SUN2: variants seen among roughly 807,000 people sequenced by gnomAD.
SUN2 encodes Sad1 and UNC84 domain containing 2.
A neutral mutation model predicts 100.0 loss-of-function variants in SUN2; 60 were observed. The observed-to-expected ratio is 0.60, with a 90% CI of 0.49 to 0.74. The LOEUF (loss-of-function observed/expected upper bound fraction) is 0.74, where lower values mean the gene tolerates loss of function less well. Among genes scored for constraint, SUN2 ranks in the 30% least tolerant of loss-of-function variants. The pLI is 0.00. For synonymous variants in SUN2, 367 were observed against 403.3 expected, an observed-to-expected ratio of 0.91 and a Z score of 1.08; for missense variants, 834 against 954.6, an observed-to-expected ratio of 0.87 and a Z score of 1.66.
At chr22:38,753,600 G>A (rs1279065609) in intron 1 of SUN2, among the ~76,000 whole-genome samples, 5 of 152,268 alleles carry the variant, frequency 3.3e-5, no homozygotes, top group Non-Finnish European at 5.9e-5. Flanking sequence ...TCCTGATGGC[G>A]CTTGCACTGT....
At position 38,737,648 on chromosome 22, in the gene SUN2, T is replaced by A; in HGVS notation, c.2040+525A>T. 8.8e-6 allele frequency: 3 copies of A among 340,802 alleles called. No individual in the cohort carries two copies. The highest frequency in any genetic ancestry group is 6.8e-5 in the South Asian group (3 of 44,382). 21.1% of individuals were successfully genotyped at this position (340,802 alleles called of 1,614,324 possible). A position where few individuals can be genotyped will look rare whatever the true frequency, so the allele number is the denominator to read the frequency against. On this transcript the variant is annotated intron_variant, in intron 17 of 17. Coordinates refer to ENST00000689035, the MANE Select transcript of SUN2 (RefSeq NM_015374.3). The surrounding 1 kb of genome is among the most constrained non-coding windows in gnomAD (Gnocchi z 4.1). ...CCAACCCAATTCCTCACTCCAGGAC[T>A]CCCCCGGTGTGGGGCTTAGGCCAAT...
chr22:38,754,603 T>TGGGGTGGGGG, intron 1 of SUN2: 3 of 889,148 alleles, frequency 3.4e-6, no homozygotes, highest in Non-Finnish European at 4.8e-6. Flanking sequence ...TAAGGTAATC[T>TGGGGTGGGGG]CCCCTCCCCC....
At chr22:38,748,173 G>A (rs2092918603) in intron 7 of SUN2, among the ~76,000 whole-genome samples, 1 of 152,116 alleles carries the variant, frequency 6.6e-6, no homozygotes, top group African/African-American at 2.4e-5. Flanking sequence ...AATTAGCTGG[G>A]CATGTTGGCG....
In SUN2 at chr22:38,740,219, CAAAG is replaced by C; in HGVS notation, c.1356+44_1356+47del. The C allele has an allele frequency of 2.0e-6, 3 of 1,492,294 alleles. No individual in the cohort carries two copies. The highest frequency in any genetic ancestry group is 2.7e-6 in the Non-Finnish European group (3 of 1,118,128). 92.4% of individuals were successfully genotyped at this position (1,492,294 alleles called of 1,614,324 possible). A position where few individuals can be genotyped will look rare whatever the true frequency, so the allele number is the denominator to read the frequency against. On this transcript the variant is annotated intron_variant, in intron 12 of 17. Transcript: ENST00000689035. The surrounding 1 kb of genome is among the most constrained non-coding windows in gnomAD (Gnocchi z 4.8). ...TTGCAGGCCCCAGGACACGTCGTCT[CAAAG>C]GAGGAGGAGAGGGACCAGCAGGGCC... is the stretch of plus-strand genomic sequence containing the variant.
At chr22:38,751,524 C>G (rs1168800019) in intron 2 of SUN2, 151 bp from the exon 3 acceptor site, 6 of 737,540 alleles carry the variant, frequency 8.1e-6, no homozygotes, top group Non-Finnish European at 1.1e-5. Flanking sequence ...CCCTGACTCT[C>G]CCAATGCTGG....
In SUN2 at chr22:38,740,174, C is replaced by T. The variant is rs1357559798; in HGVS notation, c.1356+93G>A. The T allele has an allele frequency of 1.4e-6, 2 of 1,416,506 alleles. No homozygotes were observed. Among genetic ancestry groups the T allele is most frequent in the African/African-American group, 1.4e-5 (1 of 69,316 alleles). The allele number at this position is 1,416,506 out of a possible 1,614,324, so 87.7% of individuals were successfully genotyped here. A position where few individuals can be genotyped will look rare whatever the true frequency, so the allele number is the denominator to read the frequency against. Reference sequence around the variant, plus strand: ...AGTCTCTTGGGCATAACAGAGGCTGCAGGGGCAAGGGGTGCTGCTTTGCAG... The same window carrying T: ...AGTCTCTTGGGCATAACAGAGGCTGTAGGGGCAAGGGGTGCTGCTTTGCAG... On this transcript the variant is annotated intron_variant, in intron 12 of 17. Coordinates refer to ENST00000689035, the MANE Select transcript of SUN2 (RefSeq NM_015374.3). The surrounding 1 kb of genome is among the most constrained non-coding windows in gnomAD (Gnocchi z 4.8).
In SUN2 at chr22:38,738,936, G is replaced by A. The variant is rs369397415; in HGVS notation, c.1716C>T (p.Ala572=). The change falls in exon 15 of 18, where the codon GCC becomes GCT. Residue 572 remains alanine, a synonymous_variant. Coordinates refer to ENST00000689035, the MANE Select transcript of SUN2 (RefSeq NM_015374.3). The surrounding 1 kb of genome is among the most constrained non-coding windows in gnomAD (Gnocchi z 6.6). ...RCSETYETKT[A]LLSLFGIPLW... is the part of the protein sequence containing the mutation. ...GGGGGATGCCGAAGAGGCTGAGGAGGGCCGTCTTGGTCTCGTAGGTCTCAG... is the reference window on the plus strand; with the variant it reads ...GGGGGATGCCGAAGAGGCTGAGGAGAGCCGTCTTGGTCTCGTAGGTCTCAG... 121 of 1,613,690 alleles carry A rather than the reference G, an allele frequency of 7.5e-5. No homozygotes were observed. The South Asian group carries it at 1.3e-3, about 17-fold the overall frequency.
In SUN2 at chr22:38,740,509, C is replaced by A; in HGVS notation, c.1191-77G>T. 3 of 1,383,638 alleles carry A rather than the reference C, an allele frequency of 2.2e-6. No individual in the cohort carries two copies. Among genetic ancestry groups the A allele is most frequent in the Non-Finnish European group, 2.8e-6 (3 of 1,057,024 alleles). 85.7% of individuals were successfully genotyped at this position (1,383,638 alleles called of 1,614,324 possible). A position where few individuals can be genotyped will look rare whatever the true frequency, so the allele number is the denominator to read the frequency against. ...GGCCACACCAAAGATGAAAGAGGACCCCCTAGTGGGCTCCCGTCAGGAGAG... is the reference window on the plus strand; with the variant it reads ...GGCCACACCAAAGATGAAAGAGGACACCCTAGTGGGCTCCCGTCAGGAGAG... On this transcript the variant is annotated intron_variant, in intron 11 of 17. Transcript: ENST00000689035. The surrounding 1 kb of genome is among the most constrained non-coding windows in gnomAD (Gnocchi z 4.8).
Position 38,755,050 on chromosome 22 carries a change from ATCGG to A in SUN2, c.-38+709_-38+712del. The A allele has an allele frequency of 4.5e-6, 5 of 1,099,512 alleles. No individual in the cohort carries two copies. Among genetic ancestry groups the A allele is most frequent in the Non-Finnish European group, 4.7e-6 (4 of 854,604 alleles). 68.1% of individuals were successfully genotyped at this position (1,099,512 alleles called of 1,614,324 possible). On this transcript the variant is annotated intron_variant, in intron 1 of 17. Transcript: ENST00000689035. This position sits in a 1 kb window ranked among gnomAD's most constrained non-coding sequence, Gnocchi z 5.7. The stretch of plus-strand genomic sequence containing the variant: ...CCTAACAATCAGTTAGGAAACGCTC[ATCGG>A]AAAGCATCCTTCCCCACTTCTCAGC...
rs1482886551 is a variant in SUN2 at position 38,742,383 on chromosome 22, AG to A, written c.985del (p.Leu329TrpfsTer7). 2 of 1,613,214 alleles carry A rather than the reference AG, an allele frequency of 1.2e-6. No individual in the cohort carries two copies. The highest frequency in any genetic ancestry group is 3.3e-5 in the Admixed American group (2 of 60,006). On this transcript the variant is annotated frameshift_variant, in exon 9 of 18. Coordinates refer to ENST00000689035, the MANE Select transcript of SUN2 (RefSeq NM_015374.3). LOFTEE classifies it high-confidence loss of function. ...GGGGLSHEDTLALLEGLVSRR... is the reference protein window; with the variant it reads ...GGGGLSHEDTXALLEGLVSRR... ...GCTCACTAGCCCCTCCAGCAGCGCC[AG>A]GGTGTCCTCGTGGCTCAGGCCACCA...
At chr22:38,751,583 G>T in intron 2 of SUN2, 5 of 580,238 alleles carry the variant, frequency 8.6e-6, no homozygotes, top group Non-Finnish European at 1.5e-5. Flanking sequence ...TGGGCAAGAC[G>T]GGCAGCGGCA....
At position 38,741,151 on chromosome 22, in the gene SUN2, C is replaced by G. The variant is rs148089427; in HGVS notation, c.1147-101G>C. ...GTTAGCGTCTTTGCTTAACCACACC[C>G]CTGCCCAAGGTCTCTTGACCCCTGC... On this transcript the variant is annotated intron_variant, in intron 10 of 17. Coordinates refer to ENST00000689035, the MANE Select transcript of SUN2 (RefSeq NM_015374.3). 3.7e-6 allele frequency: 5 copies of G among 1,337,252 alleles called. No individual in the cohort carries two copies. The African/African-American group carries it at 7.2e-5, about 19-fold the overall frequency. The allele number at this position is 1,337,252 out of a possible 1,614,324, so 82.8% of individuals were successfully genotyped here.
rs916897665 is a variant in SUN2 at position 38,741,035 on chromosome 22, T to C, written c.1162A>G (p.Ile388Val). The C allele has an allele frequency of 8.1e-6, 13 of 1,598,258 alleles. No homozygotes were observed. The highest frequency in any genetic ancestry group is 1.1e-5 in the Non-Finnish European group (13 of 1,172,276). The change falls in exon 11 of 18, where the codon ATC (isoleucine) becomes GTC (valine). Residue 388 changes from isoleucine to valine, a missense_variant. Physicochemically the swap from Ile to Val is conservative, Grantham distance 29 (BLOSUM62 3). Around this residue, in one of 3 missense-constraint regions of SUN2, gnomAD observed 559 missense variants for 597.7 expected, o/e 0.94. Coordinates refer to ENST00000689035, the MANE Select transcript of SUN2 (RefSeq NM_015374.3). ...TGCCACTCTGACTTCAGCTGCTGGATGCGAGCCTCGGACTCCTGTGTAGGA... is the reference window on the plus strand; with the variant it reads ...TGCCACTCTGACTTCAGCTGCTGGACGCGAGCCTCGGACTCCTGTGTAGGA... Reference protein sequence around the residue: ...VRASQESEARIQQLKSEWQSM... With the variant: ...VRASQESEARVQQLKSEWQSM...
At position 38,739,337 on chromosome 22, in the gene SUN2, C is replaced by T. The variant is rs373767572; in HGVS notation, c.1663+5G>A. 11 of 1,612,906 alleles carry T rather than the reference C, an allele frequency of 6.8e-6. No individual in the cohort carries two copies. Among genetic ancestry groups the T allele is most frequent in the East Asian group, 6.7e-5 (3 of 44,876 alleles). The stretch of plus-strand genomic sequence containing the variant: ...AAGGCAGAGCGAGGAAAGCAGAGCA[C>T]GTACCTCCTGACTCCAGGGCGTAGT... On this transcript the variant is annotated splice_donor_5th_base_variant and intron_variant, in intron 14 of 17. Transcript: ENST00000689035. The surrounding 1 kb of genome is among the most constrained non-coding windows in gnomAD (Gnocchi z 6.7).
chr22:38,738,394 C>T lies in SUN2; in HGVS notation c.1948-129G>A, dbSNP rs944534923. The T allele has an allele frequency of 6.9e-5, 76 of 1,096,540 alleles. No individual in the cohort carries two copies. In the African/African-American group the frequency reaches 9.6e-4, roughly 14 times the overall value. The allele number at this position is 1,096,540 out of a possible 1,614,324, so 67.9% of individuals were successfully genotyped here. On this transcript the variant is annotated intron_variant, in intron 16 of 17. Transcript: ENST00000689035. This position sits in a 1 kb window ranked among gnomAD's most constrained non-coding sequence, Gnocchi z 6.6. ...GGCCTATGACAAGTCACTTCACTCT[C>T]TTGTGCCACAGTTTCTGCCTCCAAA...
At chr22:38,741,824 A>G (rs2092860365) in intron 9 of SUN2, among the ~76,000 whole-genome samples, 1 of 152,186 alleles carries the variant, frequency 6.6e-6, no homozygotes, top group Admixed American at 6.5e-5. Flanking sequence ...GCCTCCATCA[A>G]AGAGCAGGAA....
At position 38,739,403 on chromosome 22, in the gene SUN2, C is replaced by G. The variant is rs1381534935; in HGVS notation, c.1602G>C (p.Gln534His). The G allele has an allele frequency of 1.2e-6, 2 of 1,613,142 alleles. No homozygotes were observed. Among genetic ancestry groups the G allele is most frequent in the South Asian group, 2.2e-5 (2 of 91,082 alleles). The change falls in exon 14 of 18, where the codon CAG becomes CAC. Residue 534 changes from glutamine to histidine, a missense_variant. Physicochemically the swap from Gln to His is conservative, Grantham distance 24. Transcript: ENST00000689035. The surrounding 1 kb of genome is among the most constrained non-coding windows in gnomAD (Gnocchi z 6.7). ...GGTCCTCACTGTAGCGCTGCAGGGC[C>G]TGCTTCACGATGTGGTGCACCTGCT... ...TEEQVHHIVK[Q>H]ALQRYSEDRI...
chr22:38,754,940 A>T, intron 1 of SUN2: 1 of 1,289,328 alleles, frequency 7.8e-7, no homozygotes, highest in Non-Finnish European at 1.0e-6. Flanking sequence ...TCGAGGCCCC[A>T]TTCTCCAAAA....
At chr22:38,741,703 G>T in intron 9 of SUN2, 132 bp from the exon 10 acceptor site, 2 of 784,432 alleles carry the variant, frequency 2.5e-6, no homozygotes, top group Non-Finnish European at 4.2e-6. Context: ...AGCCTTCTCT[G>T]AACCACGCAA....
Sources: allele counts gnomAD v4.1 joint callset (sites outside exome capture counted in the v4.1 genomes callset), GRCh38; gene constraint gnomAD v4.1.1; regional missense constraint gnomAD v4.1.1; non-coding constraint Gnocchi (gnomAD v3.1); transcripts MANE v1.5; gene names NCBI Gene and HGNC (gene_info 2026-07-23, HGNC 2026-07-21).